The following KIF16B variants were observed in gnomAD, a reference collection of about 807,000 sequenced individuals.
The protein encoded by KIF16B is kinesin family member 16B.
Under a neutral mutation model 156.3 loss-of-function variants are expected in KIF16B, and 98 were observed. The observed-to-expected ratio is 0.63, with a 90% CI of 0.53 to 0.74. KIF16B has a LOEUF of 0.74. Among genes scored for constraint, KIF16B ranks in the 30% least tolerant of loss-of-function variants. The pLI is 0.00. For synonymous variants in KIF16B, 564 were observed against 583.7 expected, an observed-to-expected ratio of 0.97 and a Z score of 0.49; for missense variants, 1,421 against 1,606.5, an observed-to-expected ratio of 0.88 and a Z score of 1.97.
chr20:16,355,234 C>T (rs1329218908), intron 23 of KIF16B, among the ~76,000 whole-genome samples: 2 of 152,146 alleles, frequency 1.3e-5, no homozygotes, highest in East Asian at 3.9e-4. Context: ...GCTCTAGGCT[C>T]CTTCCTCCCT....
chr20:16,376,405 G>A (rs532565455), intron 19 of KIF16B, among the ~76,000 whole-genome samples: 8 of 152,328 alleles, frequency 5.3e-5, no homozygotes, highest in African/African-American at 1.9e-4. Context: ...CTGTTGTCCA[G>A]TCTGGTCCCA....
In KIF16B at chr20:16,371,651, C is replaced by T; in HGVS notation, c.3447+14G>A. On this transcript the variant is annotated intron_variant, in intron 21 of 25. Coordinates refer to ENST00000354981, the MANE Select transcript of KIF16B (RefSeq NM_024704.5). ...GAACTTGTTACTTCGTGTTACTTGGCTCCTTCAGCTTACCTTCATCGTGTC... is the reference window on the plus strand; with the variant it reads ...GAACTTGTTACTTCGTGTTACTTGGTTCCTTCAGCTTACCTTCATCGTGTC... The T allele has an allele frequency of 6.5e-7, 1 of 1,535,652 alleles. No individual in the cohort carries two copies. The highest frequency in any genetic ancestry group is 1.1e-5 in the South Asian group (1 of 88,382).
chr20:16,331,913 A>T (rs2063954950), intron 24 of KIF16B, among the ~76,000 whole-genome samples: 1 of 152,216 alleles, frequency 6.6e-6, no homozygotes, highest in Non-Finnish European at 1.5e-5. Flanking sequence ...TACGTAATAA[A>T]CATTGATCTC....
At chr20:16,329,035 A>T (rs1212223429) in intron 24 of KIF16B, among the ~76,000 whole-genome samples, 1 of 152,140 alleles carries the variant, frequency 6.6e-6, no homozygotes, top group African/African-American at 2.4e-5. Context: ...AAGTCTTTTT[A>T]AAAAAATCAG....
chr20:16,342,970 A>T (rs2064166402), intron 23 of KIF16B, among the ~76,000 whole-genome samples: 1 of 152,220 alleles, frequency 6.6e-6, no homozygotes, highest in East Asian at 1.9e-4. Flanking sequence ...ATTAAGAGAC[A>T]AAATTAAAGC....
chr20:16,452,264 A>G (rs1189154368), intron 12 of KIF16B, among the ~76,000 whole-genome samples: 1 of 152,202 alleles, frequency 6.6e-6, no homozygotes, highest in Non-Finnish European at 1.5e-5. Flanking sequence ...AAAAGAAGCT[A>G]CAGGATATTG....
At chr20:16,452,072 G>A (rs2067096625) in intron 12 of KIF16B, among the ~76,000 whole-genome samples, 1 of 152,166 alleles carries the variant, frequency 6.6e-6, no homozygotes, top group African/African-American at 2.4e-5. Flanking sequence ...GGGTCTGTAA[G>A]TAGCAGACCC....
At chr20:16,425,981 G>A (rs2066341046) in intron 15 of KIF16B, among the ~76,000 whole-genome samples, 1 of 152,154 alleles carries the variant, frequency 6.6e-6, no homozygotes, top group Admixed American at 6.5e-5. Context: ...GGAGACAGGA[G>A]AGGGGGCAGG....
intron 15 of KIF16B, 144 bp downstream of exon 15, chr20:16,426,960 A>G: frequency 1.7e-6 from 1 of 598,082 alleles, no homozygotes; most frequent in Non-Finnish European, 2.7e-6. Context: ...AACAGAAGAG[A>G]AACAGCCTAT....
chr20:16,315,225 C>T (rs1375121691), intron 24 of KIF16B, among the ~76,000 whole-genome samples: 1 of 152,140 alleles, frequency 6.6e-6, no homozygotes, highest in Non-Finnish European at 1.5e-5. Context: ...TAATATTCAG[C>T]CTGTGAAATA....
At chr20:16,516,971 A>G (rs937246341) in intron 3 of KIF16B, among the ~76,000 whole-genome samples, 3 of 152,184 alleles carry the variant, frequency 2.0e-5, no homozygotes, top group Non-Finnish European at 4.4e-5. Flanking sequence ...CCTGCATGGA[A>G]GCCAGATTCC....
At chr20:16,490,279 G>A (rs964855330) in intron 12 of KIF16B, among the ~76,000 whole-genome samples, 1 of 152,102 alleles carries the variant, frequency 6.6e-6, no homozygotes, top group Non-Finnish European at 1.5e-5. Flanking sequence ...AGGGCATGGT[G>A]GCTCACGCCT....
chr20:16,275,406 G>A (rs2061490361), intron 25 of KIF16B, among the ~76,000 whole-genome samples: 1 of 152,136 alleles, frequency 6.6e-6, no homozygotes, highest in African/African-American at 2.4e-5. Flanking sequence ...GCTGACCCAT[G>A]TGAAACCACC....
intron 17 of KIF16B, among the ~76,000 whole-genome samples, chr20:16,389,270 T>A (rs1472978575): frequency 6.6e-6 from 1 of 152,184 alleles, no homozygotes; most frequent in Non-Finnish European, 1.5e-5. Flanking sequence ...TATTTGATTC[T>A]CTGCTGTGGC....
chr20:16,457,010 C>T (rs756527375), intron 12 of KIF16B, among the ~76,000 whole-genome samples: 3 of 152,124 alleles, frequency 2.0e-5, no homozygotes, highest in Non-Finnish European at 4.4e-5. Context: ...ATGATGATAA[C>T]CTTTCCCTCC....
rs756504548 is a variant in KIF16B at position 16,506,128 on chromosome 20, G to A, written c.762C>T (p.Ala254=). Residue 254 remains alanine, a synonymous_variant, in exon 8 of 26, where the codon GCC becomes GCT. Transcript: ENST00000354981. The part of the protein sequence containing the change: ...TVSKIHLVDL[A]GSERADATGA... ...CGGTGGCATCTGCACGCTCACTTCC[G>A]GCAAGATCAACCAAGTGGATCTTAC... 33 of 1,613,872 alleles carry A rather than the reference G, an allele frequency of 2.0e-5. No homozygotes were observed. Among genetic ancestry groups the A allele is most frequent in the African/African-American group, 4.0e-5 (3 of 74,886 alleles).
At chr20:16,545,356 C>T (rs6044105) in intron 1 of KIF16B, among the ~76,000 whole-genome samples, 5,178 of 151,100 alleles carry the variant, frequency 0.034, 132 homozygotes, top group Middle Eastern at 0.079. Context: ...CATGGCGACA[C>T]CTCATCTCTA....
intron 22 of KIF16B, among the ~76,000 whole-genome samples, chr20:16,363,215 C>A (rs1386828934): frequency 6.6e-6 from 1 of 152,256 alleles, no homozygotes; most frequent in African/African-American, 2.4e-5. Context: ...ACAGACTCTG[C>A]AGATGGAGAT....
intron 10 of KIF16B, among the ~76,000 whole-genome samples, chr20:16,503,645 C>A (rs903976144): frequency 3.3e-5 from 5 of 152,210 alleles, no homozygotes; most frequent in African/African-American, 1.2e-4. Context: ...CTAACTTCAA[C>A]ATTTAAAAAA....
Sources: allele counts gnomAD v4.1 joint callset (sites outside exome capture counted in the v4.1 genomes callset), GRCh38; gene constraint gnomAD v4.1.1; transcripts MANE v1.5; gene names NCBI Gene and HGNC (gene_info 2026-07-23, HGNC 2026-07-21).